Variants in TBC1D4 observed in about 807,000 individuals in gnomAD.
The protein encoded by TBC1D4 is TBC (Tre-2, BUB2, CDC16) domain-containing protein.
In TBC1D4, 121 loss-of-function variants were observed where a neutral mutation model predicts 142.5. That is an observed-to-expected ratio of 0.85 (90% CI 0.73 to 0.99). TBC1D4 has a LOEUF of 0.99. TBC1D4 is among the 50% of genes least tolerant of loss of function. The pLI is 0.00. For synonymous variants in TBC1D4, 630 were observed against 628.2 expected, an observed-to-expected ratio of 1.00 and a Z score of -0.04; for missense variants, 1,475 against 1,606.6, an observed-to-expected ratio of 0.92 and a Z score of 1.40.
chr13:75,296,830 G>T (rs1309461460), intron 17 of TBC1D4, among the ~76,000 whole-genome samples: 1 of 152,056 alleles, frequency 6.6e-6, no homozygotes, highest in South Asian at 2.1e-4. Flanking sequence ...AGTTGAAAAA[G>T]ACCTCAACCC....
chr13:75,355,649 T>C (rs1243808086), intron 4 of TBC1D4, among the ~76,000 whole-genome samples: 1 of 152,146 alleles, frequency 6.6e-6, no homozygotes, highest in Non-Finnish European at 1.5e-5. Context: ...AATTGACTTT[T>C]AAATGCCAAA....
At chr13:75,338,439 G>A (rs1394813611) in intron 7 of TBC1D4, among the ~76,000 whole-genome samples, 1 of 152,132 alleles carries the variant, frequency 6.6e-6, no homozygotes, top group Non-Finnish European at 1.5e-5. Context: ...CTGACACATA[G>A]TAACTGCTCA....
chr13:75,350,022 T>C lies in TBC1D4; in HGVS notation c.1276-720A>G, dbSNP rs897686725. On this transcript the variant is annotated intron_variant, in intron 4 of 20. Coordinates refer to ENST00000377636, the MANE Select transcript of TBC1D4 (RefSeq NM_014832.5). ...TCAAAAAGTTTTAATCTAGCCTTTT[T>C]ATTTCCTGGATGCTTCTTTGAAACC... is the stretch of plus-strand genomic sequence containing the variant. Among the ~76,000 whole-genome samples, 3 of 152,358 alleles carry C rather than the reference T, an allele frequency of 2.0e-5. No individual in the cohort carries two copies. In the East Asian group the frequency reaches 5.8e-4, roughly 29 times the overall value.
At chr13:75,408,086 G>A (rs1006691492) in intron 1 of TBC1D4, among the ~76,000 whole-genome samples, 2 of 152,010 alleles carry the variant, frequency 1.3e-5, no homozygotes, top group African/African-American at 4.8e-5. Flanking sequence ...AAAGAACCCT[G>A]TACCCGTCAC....
chr13:75,322,492 A>C (rs1206955934), intron 11 of TBC1D4, among the ~76,000 whole-genome samples: 1 of 152,212 alleles, frequency 6.6e-6, no homozygotes. Context: ...GAACACATAC[A>C]ACTAAGCAGG....
intron 4 of TBC1D4, among the ~76,000 whole-genome samples, chr13:75,355,385 G>GAA (rs1164667669): frequency 1.3e-5 from 2 of 151,982 alleles, no homozygotes; most frequent in African/African-American, 4.8e-5. Context: ...ACTTTGAGGG[G>GAA]AAAAAAATCA....
intron 1 of TBC1D4, among the ~76,000 whole-genome samples, chr13:75,461,554 T>C (rs1887966348): frequency 6.6e-6 from 1 of 152,242 alleles, no homozygotes; most frequent in Non-Finnish European, 1.5e-5. Context: ...GAAATCACCA[T>C]GAAGCCACTG....
chr13:75,373,725 C>T (rs771928604), intron 1 of TBC1D4, among the ~76,000 whole-genome samples: 3 of 152,150 alleles, frequency 2.0e-5, no homozygotes, highest in Admixed American at 6.6e-5. Context: ...TTCTGGCCCT[C>T]GTTCCTTCTT....
At chr13:75,352,182 A>G (rs1881656813) in intron 4 of TBC1D4, among the ~76,000 whole-genome samples, 1 of 152,160 alleles carries the variant, frequency 6.6e-6, no homozygotes, top group African/African-American at 2.4e-5. Flanking sequence ...TTTACCTGCT[A>G]TCTTCCCACT....
chr13:75,412,613 T>C (rs1885727679), intron 1 of TBC1D4, among the ~76,000 whole-genome samples: 1 of 152,136 alleles, frequency 6.6e-6, no homozygotes. Context: ...CTAAAATACC[T>C]TTTTACCGTC....
At chr13:75,431,935 G>A (rs913346364) in intron 1 of TBC1D4, among the ~76,000 whole-genome samples, 3 of 152,138 alleles carry the variant, frequency 2.0e-5, no homozygotes, top group Non-Finnish European at 2.9e-5. Flanking sequence ...CCAGTCTAAG[G>A]GTTAAGAATG....
chr13:75,411,697 A>AT (rs111821777), intron 1 of TBC1D4, among the ~76,000 whole-genome samples: 59 of 147,672 alleles, frequency 4.0e-4, no homozygotes, highest in African/African-American at 9.1e-4. Context: ...CTAATTTTTT[A>AT]TTTTTTTTTT....
chr13:75,422,481 T>C lies in TBC1D4; in HGVS notation c.498+58789A>G, dbSNP rs139164166. 1.7e-4 allele frequency among the ~76,000 whole-genome samples: 26 copies of C among 152,324 alleles called. No individual in the cohort carries two copies. The East Asian group carries it at 2.5e-3, about 15-fold the overall frequency. On this transcript the variant is annotated intron_variant, in intron 1 of 20. Coordinates refer to ENST00000377636, the MANE Select transcript of TBC1D4 (RefSeq NM_014832.5). ...TAACTATGCAAATGGAAAATTAATT[T>C]TGAGTCATAGAAATAACTGGAAATT... is the stretch of plus-strand genomic sequence containing the variant.
At chr13:75,303,330 T>G (rs1215006262) in intron 15 of TBC1D4, among the ~76,000 whole-genome samples, 7 of 151,284 alleles carry the variant, frequency 4.6e-5, no homozygotes, top group Non-Finnish European at 7.4e-5. Flanking sequence ...AAAAAAGAAA[T>G]AATATAAGTA....
At position 75,344,482 on chromosome 13, in the gene TBC1D4, G is replaced by A. The variant is rs544133239; in HGVS notation, c.1409-2895C>T. Among the ~76,000 whole-genome samples, 15 of 152,110 alleles carry A rather than the reference G, an allele frequency of 9.9e-5. No homozygotes were observed. The South Asian group carries it at 3.1e-3, about 32-fold the overall frequency. On this transcript the variant is annotated intron_variant, in intron 5 of 20. Transcript: ENST00000377636. ...CTTCCTCCCAGCAACTGGAATCACT[G>A]ACTGGCGAATTACTGATATTGAAAG...
intron 5 of TBC1D4, among the ~76,000 whole-genome samples, chr13:75,347,536 C>A (rs1032132894): frequency 6.6e-6 from 1 of 152,166 alleles, no homozygotes; most frequent in African/African-American, 2.4e-5. Flanking sequence ...AATCTCTCTT[C>A]AAGAAATAAG....
intron 1 of TBC1D4, among the ~76,000 whole-genome samples, chr13:75,384,725 A>ATT (rs1884072805): frequency 6.6e-6 from 1 of 152,148 alleles, no homozygotes; most frequent in African/African-American, 2.4e-5. Context: ...GGGCTGATTC[A>ATT]GAAAAAAAAG....
At chr13:75,389,855 A>G (rs929727349) in intron 1 of TBC1D4, among the ~76,000 whole-genome samples, 6 of 152,228 alleles carry the variant, frequency 3.9e-5, no homozygotes, top group Admixed American at 2.6e-4. Flanking sequence ...AGAAAAGGCC[A>G]GAAAATTTAC....
chr13:75,321,437 A>AT, intron 11 of TBC1D4, among the ~76,000 whole-genome samples: 1 of 122,320 alleles, frequency 8.2e-6, no homozygotes, highest in Admixed American at 7.5e-5. Flanking sequence ...CGGTGCATAT[A>AT]TATGTATATA....
Sources: gnomAD v4.1 joint callset for allele counts (sites outside exome capture counted in the v4.1 genomes callset) on GRCh38, gnomAD v4.1.1 for gene constraint, MANE v1.5 for transcripts, NCBI Gene and HGNC (gene_info 2026-07-23, HGNC 2026-07-21) for gene names.